Variants in BUD23 observed in about 807,000 individuals in gnomAD.
BUD23 encodes the protein 18S rRNA (guanine-N(7))-methyltransferase.
BUD23 carries 34 observed loss-of-function variants against 47.0 expected under a neutral mutation model. The ratio of observed to expected loss-of-function variants is 0.72; its 90% confidence interval spans 0.55 to 0.96. BUD23 has a LOEUF of 0.96. Among genes scored for constraint, BUD23 ranks in the 40% least tolerant of loss-of-function variants. The pLI, the probability that BUD23 is intolerant of heterozygous loss-of-function variation, is 0.00. For synonymous variants in BUD23, 124 were observed against 132.0 expected (o/e 0.94, Z 0.41); for missense variants, 343 against 361.2 (o/e 0.95, Z 0.41).
At chr7:73,686,146 A>C (rs1797958878) in intron 2 of BUD23, among the ~76,000 whole-genome samples, 1 of 151,852 alleles carries the variant, frequency 6.6e-6, no homozygotes, top group Non-Finnish European at 1.5e-5. Context: ...TGTTTCTTTA[A>C]GTTTCTTCTT....
chr7:73,685,519 A>G (rs1797930078), intron 2 of BUD23, among the ~76,000 whole-genome samples: 2 of 152,116 alleles, frequency 1.3e-5, no homozygotes, highest in Admixed American at 6.5e-5. Flanking sequence ...AGTGGCTGCA[A>G]CCTCGCCTCC....
rs1166585784 is a variant in BUD23, at chr7:73,698,001, A to T, written c.*115A>T. The T allele has an allele frequency of 3.7e-6, 5 of 1,345,448 alleles. No individual in the cohort carries two copies. In the Admixed American group the frequency reaches 1.2e-4, roughly 31 times the overall value. 83.3% of individuals were successfully genotyped at this position (1,345,448 alleles called of 1,614,324 possible). ...TATAAAAATGTTTTCTGCAGTAAAA[A>T]AAAAGTTCTCTGGGCCGGGCGTGGT... On this transcript the variant is annotated 3_prime_UTR_variant, in exon 12 of 12. Transcript: ENST00000265758.
chr7:73,683,618 G>A lies in BUD23; in HGVS notation c.-8G>A, dbSNP rs2293486. 6.2e-6 allele frequency: 10 copies of A among 1,606,904 alleles called. No homozygotes were observed. The Middle Eastern group carries it at 7.1e-4, about 114-fold the overall frequency. ...CGCCAGTCGCAGGTGTGCTGCTGAG[G>A]CGTGAGAATGGCGTCCCGCGGCCGG... On this transcript the variant is annotated 5_prime_UTR_variant, in exon 1 of 12. Transcript: ENST00000265758.
intron 5 of BUD23, among the ~76,000 whole-genome samples, chr7:73,687,870 G>A (rs967377458): frequency 6.6e-6 from 1 of 151,702 alleles, no homozygotes; most frequent in African/African-American, 2.4e-5. Context: ...GTGAAACCCA[G>A]CCTCTACTAA....
chr7:73,685,220 C>T (rs1160021151), intron 2 of BUD23, among the ~76,000 whole-genome samples: 1 of 152,172 alleles, frequency 6.6e-6, no homozygotes, highest in Non-Finnish European at 1.5e-5. Flanking sequence ...GCAGAGGTTG[C>T]AGTGAGCTGC....
intron 8 of BUD23, 74 bp from the exon 9 acceptor site, chr7:73,693,550 G>A (rs1289553099): frequency 6.2e-7 from 1 of 1,604,638 alleles, no homozygotes; most frequent in African/African-American, 1.3e-5. Context: ...GGGGGTGCGG[G>A]TGGGGGAGCT....
chr7:73,688,569 C>G (rs946431928), intron 5 of BUD23, among the ~76,000 whole-genome samples: 1 of 152,224 alleles, frequency 6.6e-6, no homozygotes, highest in African/African-American at 2.4e-5. Flanking sequence ...TCTGGACTTG[C>G]TCTAATCTCT....
chr7:73,683,827 G>T, intron 2 of BUD23, 23 bp downstream of exon 2: 1 of 1,614,168 alleles, frequency 6.2e-7, no homozygotes, highest in Non-Finnish European at 8.5e-7. Flanking sequence ...TGAATACTGC[G>T]GGGCGTCCGG....
rs782032965 is a variant in BUD23, at chr7:73,686,814, C to T, written c.183-4C>T. ...GACCCTGAGTGTCTGGTCATGTCTT[C>T]CAGCTGTGGCACTGGGCTGAGTGGA... On this transcript the variant is annotated splice_polypyrimidine_tract_variant and splice_region_variant and intron_variant, in intron 3 of 11. Coordinates refer to ENST00000265758, the MANE Select transcript of BUD23 (RefSeq NM_017528.5). The T allele has an allele frequency of 1.2e-6, 2 of 1,614,006 alleles. No individual in the cohort carries two copies. Among genetic ancestry groups the T allele is most frequent in the African/African-American group, 2.7e-5 (2 of 74,890 alleles).
At position 73,697,585 on chromosome 7, in the gene BUD23, T is replaced by A. The variant is rs538778524; in HGVS notation, c.702-20T>A. ...CATCCATCAGCTGTCCATCAGCTCA[T>A]AGCTGTGTCTCCGCCACAGGTTCCC... On this transcript the variant is annotated intron_variant, in intron 10 of 11. Transcript: ENST00000265758. The A allele has an allele frequency of 6.2e-7, 1 of 1,613,412 alleles. No individual in the cohort carries two copies. The highest frequency in any genetic ancestry group is 1.1e-5 in the South Asian group (1 of 91,082).
chr7:73,686,567 T>G (rs937404999), intron 2 of BUD23, 69 bp from the exon 3 acceptor site: 8 of 1,412,914 alleles, frequency 5.7e-6, no homozygotes, highest in Non-Finnish European at 7.8e-6. Context: ...TGTTTTTTGT[T>G]TTTTGGTCTG....
chr7:73,692,536 T>TG, intron 6 of BUD23, 60 bp from the exon 7 acceptor site: 16 of 1,507,450 alleles, frequency 1.1e-5, no homozygotes, highest in Non-Finnish European at 1.4e-5. Context: ...AAGAGAGGGG[T>TG]GTCCAGGCCC....
At chr7:73,693,869 C>T in intron 9 of BUD23, 123 bp from the exon 10 acceptor site, 1 of 1,392,886 alleles carries the variant, frequency 7.2e-7, no homozygotes, top group Non-Finnish European at 1.0e-6. Context: ...GTGTCAGTTC[C>T]TTCTCGTGGG....
At chr7:73,692,493 A>G (rs1354305562) in intron 6 of BUD23, 103 bp from the exon 7 acceptor site, 16 of 1,163,352 alleles carry the variant, frequency 1.4e-5, no homozygotes, top group Non-Finnish European at 2.0e-5. Flanking sequence ...CTCACACATA[A>G]TGGAAATTCA....
intron 10 of BUD23, chr7:73,695,659 C>G (rs1798375652): frequency 6.6e-6 from 1 of 152,422 alleles, no homozygotes. Flanking sequence ...TATCCCCGTG[C>G]TGACCCTCCC....
chr7:73,688,892 G>C lies in BUD23; in HGVS notation c.362+1797G>C, dbSNP rs1554613572. 2.0e-5 allele frequency among the ~76,000 whole-genome samples: 3 copies of C among 152,132 alleles called. No individual in the cohort carries two copies. In the East Asian group the frequency reaches 5.8e-4, roughly 29 times the overall value. On this transcript the variant is annotated intron_variant, in intron 5 of 11. Coordinates refer to ENST00000265758, the MANE Select transcript of BUD23 (RefSeq NM_017528.5). ...TTTTACATCTGGGAACAAGACCCAG[G>C]GGGGTTGGGGAATAATTTCAAGGGT...
intron 10 of BUD23, chr7:73,694,285 T>C (rs1264577829): frequency 1.7e-5 from 8 of 481,770 alleles, no homozygotes; most frequent in Non-Finnish European, 2.5e-5. Flanking sequence ...AGCCCACACA[T>C]GCCCCTTCCC....
intron 9 of BUD23, 141 bp downstream of exon 9, chr7:73,693,810 C>T (rs1798288239): frequency 7.4e-7 from 1 of 1,355,154 alleles, no homozygotes; most frequent in Admixed American, 1.8e-5. Flanking sequence ...TGCTCACATC[C>T]TCTGGAATCT....
chr7:73,692,571 A>G, intron 6 of BUD23, 25 bp from the exon 7 acceptor site: 3 of 1,612,438 alleles, frequency 1.9e-6, no homozygotes, highest in Non-Finnish European at 2.5e-6. Context: ...CATTTGTAAG[A>G]CAGTGATGTT....
Sources: gnomAD v4.1 joint callset for allele counts (sites outside exome capture counted in the v4.1 genomes callset) on GRCh38, gnomAD v4.1.1 for gene constraint, MANE v1.5 for transcripts, NCBI Gene and HGNC (gene_info 2026-07-23, HGNC 2026-07-21) for gene names.